The following DDX60L variants were observed in gnomAD, a reference collection of about 807,000 sequenced individuals.
The protein encoded by DDX60L is DExD/H-box 60 like.
DDX60L carries 191 observed loss-of-function variants against 211.6 expected under a neutral mutation model. That is an observed-to-expected ratio of 0.90 (90% CI 0.80 to 1.02). The LOEUF is 1.02. Among genes scored for constraint, DDX60L ranks in the 50% least tolerant of loss-of-function variants. The pLI is 0.00. For missense variants in DDX60L, 2,007 were observed against 1,984.1 expected (o/e 1.01, Z -0.22); for synonymous variants, 706 against 694.1 (o/e 1.02, Z -0.27).
rs544715544 is a variant in DDX60L, at chr4:168,447,391, G to A, written c.1138+1247C>T. ...AAAAAGTCAGGAAACAACAGGTGCT[G>A]GAGAGGATGTGGAGAAATAGGAATG... is the stretch of plus-strand genomic sequence containing the variant. On this transcript the variant is annotated intron_variant, in intron 9 of 37. Coordinates refer to ENST00000682922, the MANE Select transcript of DDX60L (RefSeq NM_001012967.3). 9.2e-3 allele frequency among the ~76,000 whole-genome samples: 1,362 copies of A among 147,438 alleles called. 10 individuals are homozygous for A. Among genetic ancestry groups the A allele is most frequent in the Non-Finnish European group, 0.014 (908 of 66,304 alleles).
At chr4:168,435,453 T>C (rs759059343) in intron 10 of DDX60L, among the ~76,000 whole-genome samples, 1 of 152,220 alleles carries the variant, frequency 6.6e-6, no homozygotes, top group Non-Finnish European at 1.5e-5. Flanking sequence ...ATTGGGCCTA[T>C]GCAGAAAGAC....
intron 22 of DDX60L, among the ~76,000 whole-genome samples, chr4:168,408,012 T>G (rs1336648317): frequency 3.3e-5 from 5 of 152,250 alleles, no homozygotes; most frequent in Non-Finnish European, 7.3e-5. Flanking sequence ...GGACTTCATT[T>G]GAACACACTA....
chr4:168,390,062 GT>G (rs1276355322), intron 29 of DDX60L: 9 of 874,266 alleles, frequency 1.0e-5, no homozygotes, highest in Non-Finnish European at 1.2e-5. Flanking sequence ...TCCCAGAAAG[GT>G]CTGCCACCTG....
chr4:168,457,821 C>G, intron 6 of DDX60L, 71 bp downstream of exon 6: 2 of 921,032 alleles, frequency 2.2e-6, no homozygotes, highest in South Asian at 3.3e-5. Context: ...AAGGACTGAA[C>G]TAATCACAAG....
Position 168,421,830 on chromosome 4 carries a change from G to A in DDX60L, c.2324C>T (p.Ser775Phe). Reference protein sequence around the residue: ...APTSSGKTYASYYCMEKVLRE... With the variant: ...APTSSGKTYAFYYCMEKVLRE... ...CAGCACTTTCTCCATGCAGTAGTAG[G>A]AAGCATAGGTTTTGCCTGAGGACGT... is the stretch of plus-strand genomic sequence containing the variant. The change falls in exon 17 of 38, where the codon TCC becomes TTC. Residue 775 changes from serine to phenylalanine, a missense_variant. Ser to Phe is a radical substitution (Grantham distance 155). Transcript: ENST00000682922. The A allele has an allele frequency of 6.2e-7, 1 of 1,614,200 alleles. No homozygotes were observed. Among genetic ancestry groups the A allele is most frequent in the Non-Finnish European group, 8.5e-7 (1 of 1,180,040 alleles).
chr4:168,419,464 A>T, intron 18 of DDX60L, 67 bp from the exon 19 acceptor site: 1 of 1,150,400 alleles, frequency 8.7e-7, no homozygotes, highest in Non-Finnish European at 1.2e-6. Flanking sequence ...GCATAGTAAT[A>T]GGAACCTAGA....
At chr4:168,386,336 C>T (rs1051588144) in intron 29 of DDX60L, among the ~76,000 whole-genome samples, 5 of 152,112 alleles carry the variant, frequency 3.3e-5, no homozygotes, top group Non-Finnish European at 7.3e-5. Flanking sequence ...TGTGCCTAAG[C>T]TCCTTGAGAT....
In DDX60L at chr4:168,456,019, G is replaced by A. The variant is rs367806529; in HGVS notation, c.837+20C>T. On this transcript the variant is annotated intron_variant, in intron 7 of 37. Transcript: ENST00000682922. ...ATGAATGACAGCTTTCTGCCTGGCG[G>A]CTGTGTTCTTTTTACTTACTAAGAC... The A allele has an allele frequency of 1.7e-5, 26 of 1,515,822 alleles. No homozygotes were observed. The African/African-American group carries it at 3.4e-4, about 20-fold the overall frequency. 93.9% of individuals were successfully genotyped at this position (1,515,822 alleles called of 1,614,324 possible). A position where few individuals can be genotyped will look rare whatever the true frequency, so the allele number is the denominator to read the frequency against.
intron 16 of DDX60L, 84 bp downstream of exon 16, chr4:168,422,440 T>C: frequency 7.4e-7 from 1 of 1,343,802 alleles, no homozygotes. Flanking sequence ...AAGAAGTTTA[T>C]GCAAAATTTG....
intron 4 of DDX60L, among the ~76,000 whole-genome samples, chr4:168,467,766 C>T (rs940721539): frequency 6.6e-6 from 1 of 152,118 alleles, no homozygotes; most frequent in Non-Finnish European, 1.5e-5. Flanking sequence ...GGAAATAATA[C>T]CAATCTCATA....
At chr4:168,455,690 G>A (rs998509752) in intron 7 of DDX60L, among the ~76,000 whole-genome samples, 1 of 152,096 alleles carries the variant, frequency 6.6e-6, no homozygotes, top group Non-Finnish European at 1.5e-5. Flanking sequence ...CCTCCAATTT[G>A]TTTCTTTTCC....
chr4:168,449,651 G>GGAAAAAAAAAAAAAAAAAAAAAT (rs1561098576), intron 8 of DDX60L, among the ~76,000 whole-genome samples: 1 of 7,516 alleles, frequency 1.3e-4, no homozygotes, highest in Non-Finnish European at 2.2e-4. Flanking sequence ...AAAAAAAAAT[G>GGAAAAAAAAAAAAAAAAAAAAAT]CAAAAAAAAA....
At chr4:168,416,882 T>C (rs1395603778) in intron 19 of DDX60L, 85 bp from the exon 20 acceptor site, 1 of 703,094 alleles carries the variant, frequency 1.4e-6, no homozygotes, top group Non-Finnish European at 2.3e-6. Flanking sequence ...ATGCATATTT[T>C]TCCAGTTTCC....
intron 8 of DDX60L, among the ~76,000 whole-genome samples, chr4:168,449,203 C>T (rs184209703): frequency 3.4e-4 from 51 of 152,102 alleles, no homozygotes; most frequent in Admixed American, 2.8e-3. Flanking sequence ...GAAGTTAGAG[C>T]GGTCTTTGCC....
chr4:168,415,607 T>C, intron 21 of DDX60L, 50 bp downstream of exon 21: 1 of 1,434,706 alleles, frequency 7.0e-7, no homozygotes, highest in African/African-American at 1.5e-5. Flanking sequence ...TAAAAAGCTT[T>C]GTAGTAAAAT....
intron 6 of DDX60L, 64 bp downstream of exon 6, chr4:168,457,828 C>A (rs930128625): frequency 9.9e-6 from 10 of 1,005,966 alleles, no homozygotes; most frequent in Non-Finnish European, 1.3e-5. Context: ...GAACTAATCA[C>A]AAGTTCATTC....
At chr4:168,428,757 G>A (rs1001887511) in intron 13 of DDX60L, among the ~76,000 whole-genome samples, 2 of 152,124 alleles carry the variant, frequency 1.3e-5, no homozygotes, top group Admixed American at 1.3e-4. Context: ...AAGAATGATC[G>A]CAAAGTAGTA....
chr4:168,416,746 C>T lies in DDX60L; in HGVS notation c.2662G>A (p.Val888Ile), dbSNP rs368506957. 2 of 1,607,446 alleles carry T rather than the reference C, an allele frequency of 1.2e-6. No individual in the cohort carries two copies. Among genetic ancestry groups the T allele is most frequent in the Non-Finnish European group, 1.7e-6 (2 of 1,177,348 alleles). Residue 888 changes from valine to isoleucine, a missense_variant, in exon 20 of 38, where the codon GTC (valine) becomes ATC (isoleucine). Coordinates refer to ENST00000682922, the MANE Select transcript of DDX60L (RefSeq NM_001012967.3). ...ACCAAAAAGGGACATCGAATAATGA[C>T]AAGGAGGAGCTCCCAAAATTTTGCT... is the stretch of plus-strand genomic sequence containing the variant. ...VGAKFWELLL[V>I]IIRCPFLVLS...
intron 22 of DDX60L, among the ~76,000 whole-genome samples, chr4:168,413,970 G>C (rs1561017471): frequency 6.6e-6 from 1 of 152,060 alleles, no homozygotes; most frequent in Non-Finnish European, 1.5e-5. Context: ...AATAAAGAAA[G>C]GATCCTAAAA....
Sources: allele counts gnomAD v4.1 joint callset (sites outside exome capture counted in the v4.1 genomes callset), GRCh38; gene constraint gnomAD v4.1.1; transcripts MANE v1.5; gene names NCBI Gene and HGNC (gene_info 2026-07-23, HGNC 2026-07-21).